NUMB: variants seen among roughly 807,000 people sequenced by gnomAD.
The protein encoded by NUMB is NUMB endocytic adaptor protein, also known as protein numb homolog.
A neutral mutation model predicts 59.7 loss-of-function variants in NUMB; 29 were observed. The observed-to-expected ratio is 0.49, with a 90% CI of 0.36 to 0.66. NUMB has a LOEUF of 0.66. NUMB is among the 30% of genes least tolerant of loss of function. NUMB has a pLI of 0.00. For synonymous variants in NUMB, 288 were observed against 288.2 expected (o/e 1.00, Z 0.01); for missense variants, 723 against 822.0 (o/e 0.88, Z 1.47).
At chr14:73,285,421 T>C (rs1259861265) in intron 9 of NUMB, 1 of 152,176 alleles carries the variant, frequency 6.6e-6, no homozygotes, top group Non-Finnish European at 1.5e-5. Flanking sequence ...CACTAAAGCA[T>C]ATTAGATAAC....
At chr14:73,436,003 T>C (rs904867970) in intron 1 of NUMB, among the ~76,000 whole-genome samples, 14 of 150,458 alleles carry the variant, frequency 9.3e-5, no homozygotes, top group Admixed American at 9.2e-4. Context: ...AAGACTCTGT[T>C]TCAAAAAAAA....
chr14:73,367,177 C>T (rs562095447), intron 2 of NUMB, among the ~76,000 whole-genome samples, 196 bp from the exon 3 acceptor site: 31 of 151,486 alleles, frequency 2.0e-4, no homozygotes, highest in Non-Finnish European at 4.0e-4. Flanking sequence ...AAGATCCACA[C>T]ACTAATGTAG....
chr14:73,416,768 G>A (rs1897143310), intron 1 of NUMB, among the ~76,000 whole-genome samples: 1 of 152,028 alleles, frequency 6.6e-6, no homozygotes, highest in African/African-American at 2.4e-5. Context: ...CTTGAACCTG[G>A]GAGGCAGAGG....
chr14:73,441,394 G>A (rs909495152), intron 1 of NUMB, among the ~76,000 whole-genome samples: 2 of 151,976 alleles, frequency 1.3e-5, no homozygotes, highest in Non-Finnish European at 1.5e-5. Context: ...CTAAAGATAC[G>A]AAAATTAGCC....
chr14:73,405,487 G>A (rs549736958), intron 2 of NUMB, among the ~76,000 whole-genome samples: 1 of 139,342 alleles, frequency 7.2e-6, no homozygotes, highest in African/African-American at 2.8e-5. Context: ...GCCCAGGCTA[G>A]AATGCAGTGG....
chr14:73,388,525 GGC>G (rs1895669945), intron 2 of NUMB, among the ~76,000 whole-genome samples: 1 of 151,680 alleles, frequency 6.6e-6, no homozygotes, highest in East Asian at 1.9e-4. Flanking sequence ...TTTTCAGCTA[GGC>G]TTATGGCTGA....
chr14:73,389,753 T>C (rs548931301), intron 2 of NUMB, among the ~76,000 whole-genome samples: 2 of 152,356 alleles, frequency 1.3e-5, no homozygotes, highest in East Asian at 3.9e-4. Flanking sequence ...TTTGAAATTA[T>C]ATAATTCAAT....
chr14:73,375,748 T>C (rs914557309), intron 2 of NUMB, among the ~76,000 whole-genome samples: 7 of 152,140 alleles, frequency 4.6e-5, no homozygotes, highest in African/African-American at 1.7e-4. Context: ...GCAAGGCTGG[T>C]TTCACATGTG....
At chr14:73,311,719 CAT>C (rs1255537610) in intron 6 of NUMB, among the ~76,000 whole-genome samples, 1 of 152,180 alleles carries the variant, frequency 6.6e-6, no homozygotes, top group Non-Finnish European at 1.5e-5. Context: ...TCAAATCATA[CAT>C]GATTCAAAGA....
intron 3 of NUMB, chr14:73,357,009 T>C: frequency 1.0e-6 from 1 of 962,928 alleles, no homozygotes. Context: ...GAAGAATTTC[T>C]TGCAAGCAGT....
chr14:73,410,658 G>A (rs984186132), intron 1 of NUMB, among the ~76,000 whole-genome samples: 22 of 152,178 alleles, frequency 1.4e-4, no homozygotes, highest in African/African-American at 5.3e-4. Flanking sequence ...TTATGTGAAA[G>A]TAACAGTAGA....
At chr14:73,298,446 C>A (rs1889918155) in intron 6 of NUMB, 1 of 152,128 alleles carries the variant, frequency 6.6e-6, no homozygotes, top group Non-Finnish European at 1.5e-5. Flanking sequence ...AAATAATTTT[C>A]TTTTTATTGG....
At chr14:73,421,217 C>T (rs1027028690) in intron 1 of NUMB, among the ~76,000 whole-genome samples, 2 of 151,974 alleles carry the variant, frequency 1.3e-5, no homozygotes, top group East Asian at 3.9e-4. Context: ...CAGAGCCTTG[C>T]TCTGTCACCC....
At chr14:73,367,342 T>TAGAGAGAG (rs1350365792) in intron 2 of NUMB, among the ~76,000 whole-genome samples, 18 of 78,592 alleles carry the variant, frequency 2.3e-4, no homozygotes, top group East Asian at 6.4e-4. Context: ...TATATATATA[T>TAGAGAGAG]ATATATAGAG....
At chr14:73,279,511 T>C (rs1888460781) in intron 11 of NUMB, 87 bp from the exon 12 acceptor site, 2 of 1,287,852 alleles carry the variant, frequency 1.6e-6, no homozygotes, top group African/African-American at 3.0e-5. Context: ...CAGGTGAATG[T>C]ACAATACTGG....
intron 1 of NUMB, among the ~76,000 whole-genome samples, chr14:73,430,987 C>A (rs530003604): frequency 3.3e-5 from 5 of 151,940 alleles, no homozygotes; most frequent in South Asian, 2.1e-4. Context: ...GAGACAGAAT[C>A]TCAGTCTGTC....
At chr14:73,441,891 AT>A (rs1235500508) in intron 1 of NUMB, among the ~76,000 whole-genome samples, 1 of 152,114 alleles carries the variant, frequency 6.6e-6, no homozygotes, top group Non-Finnish European at 1.5e-5. Context: ...AATAAAAAAA[AT>A]AAAATAAAAG....
At chr14:73,343,021 T>TG in intron 4 of NUMB, among the ~76,000 whole-genome samples, 1 of 151,166 alleles carries the variant, frequency 6.6e-6, no homozygotes, top group African/African-American at 2.4e-5. Flanking sequence ...TTTGTAAAGA[T>TG]GGAGTCTCCC....
At chr14:73,352,528 A>ATTT (rs1566756459) in intron 4 of NUMB, among the ~76,000 whole-genome samples, 1 of 11,696 alleles carries the variant, frequency 8.5e-5, no homozygotes, top group Non-Finnish European at 1.4e-4. Flanking sequence ...ATATATATAT[A>ATTT]TGTTTTTTTT....
Sources: gnomAD v4.1 joint callset for allele counts (sites outside exome capture counted in the v4.1 genomes callset) on GRCh38, gnomAD v4.1.1 for gene constraint, MANE v1.5 for transcripts, NCBI Gene and HGNC (gene_info 2026-07-23, HGNC 2026-07-21) for gene names.